The following SUCLG2 variants were observed in gnomAD, a reference collection of about 807,000 sequenced individuals.
SUCLG2 encodes succinate-CoA ligase GDP-forming subunit beta.
SUCLG2 carries 42 observed loss-of-function variants against 47.9 expected under a neutral mutation model. The ratio of observed to expected loss-of-function variants is 0.88; its 90% CI spans 0.69 to 1.14. The LOEUF is 1.14. SUCLG2 is among the 50% of genes most tolerant of loss of function. SUCLG2 has a pLI of 0.00. For missense variants in SUCLG2, 571 were observed against 525.9 expected, an observed-to-expected ratio of 1.09 and a Z score of -0.84; for synonymous variants, 195 against 197.3, an observed-to-expected ratio of 0.99 and a Z score of 0.10.
intron 10 of SUCLG2, among the ~76,000 whole-genome samples, chr3:67,391,786 T>C (rs1272773819): frequency 3.9e-5 from 6 of 152,202 alleles, no homozygotes; most frequent in Admixed American, 1.3e-4. Context: ...CTGTGTCTGA[T>C]GATGTCCCCT....
At chr3:67,373,104 T>C (rs556645556), downstream of SUCLG2, among the ~76,000 whole-genome samples, 1 of 152,328 alleles carries the variant, frequency 6.6e-6, no homozygotes, top group East Asian at 1.9e-4. Context: ...CCCACTATGA[T>C]ATATATTTTC....
At chr3:67,468,021 T>C (rs888642552) in intron 9 of SUCLG2, among the ~76,000 whole-genome samples, 2 of 152,160 alleles carry the variant, frequency 1.3e-5, no homozygotes, top group Admixed American at 6.6e-5. Flanking sequence ...AAATGAGTGC[T>C]ACAAGAGGGG....
intron 2 of SUCLG2, among the ~76,000 whole-genome samples, chr3:67,584,796 AG>A (rs1367383000): frequency 1.3e-5 from 2 of 152,320 alleles, no homozygotes; most frequent in African/African-American, 4.8e-5. Flanking sequence ...AGTGGCAGGA[AG>A]GGGAAGTGCC....
chr3:67,382,248 A>G (rs1039794864), intron 10 of SUCLG2, among the ~76,000 whole-genome samples: 1 of 152,156 alleles, frequency 6.6e-6, no homozygotes, highest in African/African-American at 2.4e-5. Context: ...TTTAATCCCC[A>G]TTTTACAGGA....
chr3:67,493,328 G>C (rs911878301), intron 9 of SUCLG2, among the ~76,000 whole-genome samples: 3 of 152,144 alleles, frequency 2.0e-5, no homozygotes, highest in Non-Finnish European at 4.4e-5. Flanking sequence ...GATGAGCTGT[G>C]CATTCATTTT....
chr3:67,654,090 C>T (rs532330454), intron 1 of SUCLG2, among the ~76,000 whole-genome samples: 2 of 152,184 alleles, frequency 1.3e-5, no homozygotes, highest in African/African-American at 4.8e-5. Context: ...ATGTTTATCA[C>T]GTGGTCTAAA....
chr3:67,621,527 G>A (rs1320911250), intron 1 of SUCLG2, among the ~76,000 whole-genome samples: 1 of 152,198 alleles, frequency 6.6e-6, no homozygotes, highest in African/African-American at 2.4e-5. Context: ...AATCTCCAAT[G>A]TGGCAGTATT....
At position 67,406,238 on chromosome 3, in the gene SUCLG2, T is replaced by G. The variant is rs567277327; in HGVS notation, c.1063-5387A>C. Among the ~76,000 whole-genome samples the G allele has an allele frequency of 2.6e-5, 4 of 152,334 alleles. No individual in the cohort carries two copies. The South Asian group carries it at 8.3e-4, about 32-fold the overall frequency. On this transcript the variant is annotated intron_variant, in intron 9 of 10. Coordinates refer to ENST00000307227, the MANE Select transcript of SUCLG2 (RefSeq NM_003848.4). ...AGTCCCCTTAATGAAATAAAAATAT[T>G]GCAAGACTGCTCAATAAAAAGTTAT...
At chr3:67,384,444 C>T (rs1312729715) in intron 10 of SUCLG2, among the ~76,000 whole-genome samples, 2 of 152,186 alleles carry the variant, frequency 1.3e-5, no homozygotes, top group African/African-American at 4.8e-5. Flanking sequence ...TACCTATTGT[C>T]TACTGCTGCT....
intron 2 of SUCLG2, among the ~76,000 whole-genome samples, chr3:67,536,178 G>A (rs1267388806): frequency 1.3e-5 from 2 of 152,136 alleles, no homozygotes; most frequent in African/African-American, 4.8e-5. Context: ...ATATCCTGCT[G>A]GTGGAACATA....
In SUCLG2 at chr3:67,446,371, A is replaced by AG. The variant is rs1306996206; in HGVS notation, c.1063-45521_1063-45520insC. Among the ~76,000 whole-genome samples the AG allele has an allele frequency of 3.0e-4, 6 of 20,240 alleles. 3 individuals carry two copies. Among genetic ancestry groups the AG allele is most frequent in the Non-Finnish European group, 5.3e-4 (4 of 7,498 alleles). The allele number at this position is 20,240 out of a possible 152,430, so 13.3% of individuals were successfully genotyped here. A position where few individuals can be genotyped will look rare whatever the true frequency, so the allele number is the denominator to read the frequency against. On this transcript the variant is annotated intron_variant, in intron 9 of 10. Coordinates refer to ENST00000307227, the MANE Select transcript of SUCLG2 (RefSeq NM_003848.4). ...TTTGTATATAAAAAAAAAAAAAAAA[A>AG]AAAAGAAATTAGATCTCTCCGGTAT...
At chr3:67,559,611 A>G (rs2634740) in intron 2 of SUCLG2, among the ~76,000 whole-genome samples, 32,378 of 152,066 alleles carry the variant, frequency 0.21, 6,121 homozygotes, top group African/African-American at 0.48. Flanking sequence ...TGCAAGATGA[A>G]ATATTGGTGA....
intron 2 of SUCLG2, among the ~76,000 whole-genome samples, chr3:67,547,061 A>G (rs1706885793): frequency 6.6e-6 from 1 of 152,114 alleles, no homozygotes. Context: ...GGTCTCTTGT[A>G]CCCCAAAATT....
chr3:67,563,520 T>C (rs528829215), intron 2 of SUCLG2, among the ~76,000 whole-genome samples: 2 of 152,320 alleles, frequency 1.3e-5, no homozygotes, highest in South Asian at 4.1e-4. Context: ...AGCTGTTCCC[T>C]ATACACTGAC....
intron 10 of SUCLG2, among the ~76,000 whole-genome samples, chr3:67,369,066 T>A (rs761460602): frequency 4.6e-5 from 7 of 152,192 alleles, no homozygotes; most frequent in Admixed American, 2.0e-4. Flanking sequence ...TATTTAGGAT[T>A]CATTACTTTT....
At chr3:67,513,237 C>T (rs917227190) in intron 6 of SUCLG2, among the ~76,000 whole-genome samples, 4 of 152,168 alleles carry the variant, frequency 2.6e-5, no homozygotes, top group Non-Finnish European at 5.9e-5. Context: ...TTTTGTTTAT[C>T]CATTCATCCA....
At chr3:67,404,505 C>T (rs900509025) in intron 9 of SUCLG2, among the ~76,000 whole-genome samples, 1 of 152,024 alleles carries the variant, frequency 6.6e-6, no homozygotes, top group East Asian at 1.9e-4. Flanking sequence ...GAGATTTCTA[C>T]AAGAAGAGCA....
intron 1 of SUCLG2, among the ~76,000 whole-genome samples, chr3:67,613,646 A>G (rs191853884): frequency 1.7e-4 from 26 of 152,324 alleles, no homozygotes; most frequent in Admixed American, 7.8e-4. Context: ...ACCTTTGTGG[A>G]TTCTTAGCCA....
At position 67,644,398 on chromosome 3, in the gene SUCLG2, T is replaced by C. The variant is rs148722494; in HGVS notation, c.84+10105A>G. 1.9e-3 allele frequency among the ~76,000 whole-genome samples: 286 copies of C among 152,302 alleles called. 2 individuals carry two copies. The highest frequency in any genetic ancestry group is 3.3e-3 in the Non-Finnish European group (222 of 68,020). ...CAGTCATAAAAGAATAGCTATAGTA[T>C]GAATCTTTTTAGATAAGGTTCCTAG... On this transcript the variant is annotated intron_variant, in intron 1 of 10. Transcript: ENST00000307227.
Sources: gnomAD v4.1 joint callset for allele counts (sites outside exome capture counted in the v4.1 genomes callset) on GRCh38, gnomAD v4.1.1 for gene constraint, MANE v1.5 for transcripts, NCBI Gene and HGNC (gene_info 2026-07-23, HGNC 2026-07-21) for gene names.